Variants in PPM1H observed in about 807,000 individuals in gnomAD.
PPM1H encodes the protein protein phosphatase, Mg2+/Mn2+ dependent 1H.
In PPM1H, 27 loss-of-function variants were observed where a neutral mutation model predicts 54.9. The ratio of observed to expected loss-of-function variants is 0.49; its 90% CI spans 0.36 to 0.68. The LOEUF (loss-of-function observed/expected upper bound fraction) is 0.68, where lower values mean the gene tolerates loss of function less well. PPM1H is among the 30% of genes least tolerant of loss of function. PPM1H has a pLI of 0.00. For synonymous variants in PPM1H, 305 were observed against 270.8 expected (o/e 1.13, Z -1.24); for missense variants, 596 against 667.8 (o/e 0.89, Z 1.19).
At chr12:62,887,687 G>T (rs1870640408) in intron 1 of PPM1H, among the ~76,000 whole-genome samples, 1 of 152,152 alleles carries the variant, frequency 6.6e-6, no homozygotes, top group African/African-American at 2.4e-5. Context: ...ATAGTGGTAT[G>T]CACAGGGAAG....
rs192139884 is a variant in PPM1H, at chr12:62,806,514, T to C, written c.412-4354A>G. On this transcript the variant is annotated intron_variant, in intron 2 of 9. Coordinates refer to ENST00000228705, the MANE Select transcript of PPM1H (RefSeq NM_020700.2). ...GTCCTCTGCCAAATCTCAGGTCGAA[T>C]TGTGATCCCCAGTGTTGGAGGAGGG... 1.2e-4 allele frequency among the ~76,000 whole-genome samples: 19 copies of C among 152,280 alleles called. No homozygotes were observed. The South Asian group carries it at 2.9e-3, about 23-fold the overall frequency.
At chr12:62,827,357 T>G (rs191776228) in intron 2 of PPM1H, among the ~76,000 whole-genome samples, 1 of 152,146 alleles carries the variant, frequency 6.6e-6, no homozygotes, top group Non-Finnish European at 1.5e-5. Flanking sequence ...CTTCTGAGCC[T>G]GTCCCTTGCA....
At chr12:62,825,861 AC>A (rs1367589814) in intron 2 of PPM1H, among the ~76,000 whole-genome samples, 2 of 151,280 alleles carry the variant, frequency 1.3e-5, no homozygotes, top group East Asian at 1.9e-4. Flanking sequence ...GTGCGCATGT[AC>A]CCTAGAACTT....
At chr12:62,789,647 C>T (rs754056072) in intron 3 of PPM1H, among the ~76,000 whole-genome samples, 2 of 152,214 alleles carry the variant, frequency 1.3e-5, no homozygotes, top group Non-Finnish European at 2.9e-5. Flanking sequence ...TACTCAAACT[C>T]TCATATCGTC....
At chr12:62,758,317 C>A (rs375774907) in intron 4 of PPM1H, among the ~76,000 whole-genome samples, 3 of 152,314 alleles carry the variant, frequency 2.0e-5, no homozygotes, top group East Asian at 3.9e-4. Context: ...TCAAAGTTCA[C>A]ATGAACCTCA....
chr12:62,851,702 TCAAACAAA>T (rs367673288), intron 1 of PPM1H, among the ~76,000 whole-genome samples: 163 of 151,944 alleles, frequency 1.1e-3, no homozygotes, highest in African/African-American at 3.8e-3. Context: ...AAACTCCATC[TCAAACAAA>T]CAAACAAACA....
intron 9 of PPM1H, among the ~76,000 whole-genome samples, chr12:62,662,424 G>C (rs945279953): frequency 6.6e-6 from 1 of 152,290 alleles, no homozygotes; most frequent in Middle Eastern, 3.4e-3. Context: ...AATTATATCA[G>C]ACAATTCGAG....
chr12:62,875,336 A>G (rs535600340), intron 1 of PPM1H, among the ~76,000 whole-genome samples: 1 of 152,186 alleles, frequency 6.6e-6, no homozygotes, highest in Non-Finnish European at 1.5e-5. Context: ...GAGTGTTGCT[A>G]TGGAAACCAG....
intron 1 of PPM1H, among the ~76,000 whole-genome samples, chr12:62,872,117 G>T (rs1255321785): frequency 2.0e-5 from 3 of 152,178 alleles, no homozygotes; most frequent in Admixed American, 6.5e-5. Context: ...CTGAGATGAG[G>T]TATAAACATG....
intron 1 of PPM1H, among the ~76,000 whole-genome samples, chr12:62,924,638 G>GA (rs1270313649): frequency 3.3e-5 from 5 of 152,128 alleles, no homozygotes; most frequent in African/African-American, 1.2e-4. Flanking sequence ...AGAATATTGT[G>GA]AAAAAACAGA....
intron 4 of PPM1H, among the ~76,000 whole-genome samples, chr12:62,775,722 CACTAGCT>C (rs2076606474): frequency 6.6e-6 from 1 of 152,230 alleles, no homozygotes; most frequent in Non-Finnish European, 1.5e-5. Context: ...GTCACTGCAG[CACTAGCT>C]GCCACTGAGC....
In PPM1H at chr12:62,802,335, A is replaced by T. The variant is rs112116131; in HGVS notation, c.412-175T>A. On this transcript the variant is annotated intron_variant, in intron 2 of 9. Coordinates refer to ENST00000228705, the MANE Select transcript of PPM1H (RefSeq NM_020700.2). Reference sequence around the variant, plus strand: ...ATAAAACAAACAAAAACAAAAACAAAAAAAACACTCAGGGAAGGGTCCCCA... The same window carrying T: ...ATAAAACAAACAAAAACAAAAACAATAAAAACACTCAGGGAAGGGTCCCCA... Among the ~76,000 whole-genome samples the T allele has an allele frequency of 4.5e-3, 678 of 152,252 alleles. 3 individuals carry two copies. The highest frequency in any genetic ancestry group is 0.016 in the African/African-American group (653 of 41,540).
chr12:62,923,531 A>G (rs1871871401), intron 1 of PPM1H, among the ~76,000 whole-genome samples: 1 of 152,090 alleles, frequency 6.6e-6, no homozygotes, highest in South Asian at 2.1e-4. Context: ...CCTCTCGAGT[A>G]GCTGGGATTA....
chr12:62,799,236 A>T (rs2076752298), intron 3 of PPM1H, among the ~76,000 whole-genome samples: 1 of 152,214 alleles, frequency 6.6e-6, no homozygotes, highest in African/African-American at 2.4e-5. Context: ...TTGCCAGCAC[A>T]GTTGTTAAGA....
chr12:62,736,448 C>G (rs947321891), intron 5 of PPM1H, among the ~76,000 whole-genome samples: 2 of 152,140 alleles, frequency 1.3e-5, no homozygotes, highest in Non-Finnish European at 2.9e-5. Context: ...GGTTAGAAAG[C>G]AACAGTAGGT....
At chr12:62,764,894 G>A (rs2076532059) in intron 4 of PPM1H, among the ~76,000 whole-genome samples, 1 of 152,232 alleles carries the variant, frequency 6.6e-6, no homozygotes. Flanking sequence ...CCGCATGGTG[G>A]CGGATGCTCG....
chr12:62,653,939 G>A (rs2136596258), intron 9 of PPM1H, among the ~76,000 whole-genome samples: 1 of 152,132 alleles, frequency 6.6e-6, no homozygotes, highest in Non-Finnish European at 1.5e-5. Flanking sequence ...GGGAAATGCA[G>A]TCTCCCAATA....
At chr12:62,707,634 T>C (rs2076182948) in intron 6 of PPM1H, among the ~76,000 whole-genome samples, 1 of 152,204 alleles carries the variant, frequency 6.6e-6, no homozygotes, top group Non-Finnish European at 1.5e-5. Flanking sequence ...GACCCTGAAA[T>C]GTTTTCAGTA....
At position 62,904,137 on chromosome 12, in the gene PPM1H, C is replaced by A. The variant is rs556508672; in HGVS notation, c.245+30355G>T. Among the ~76,000 whole-genome samples the A allele has an allele frequency of 3.8e-4, 58 of 152,064 alleles. 2 individuals are homozygous for A. In the South Asian group the frequency reaches 0.011, roughly 30 times the overall value. ...GGGAACCGAGATACCATTGAAGAAG[C>A]CTTCAAAAAGGCTACATTACATAAA... On this transcript the variant is annotated intron_variant, in intron 1 of 9. Coordinates refer to ENST00000228705, the MANE Select transcript of PPM1H (RefSeq NM_020700.2).
Sources: allele counts gnomAD v4.1 joint callset (sites outside exome capture counted in the v4.1 genomes callset), GRCh38; gene constraint gnomAD v4.1.1; transcripts MANE v1.5; gene names NCBI Gene and HGNC (gene_info 2026-07-23, HGNC 2026-07-21).